Variants in MYLK observed in about 807,000 individuals in gnomAD.
MYLK encodes the protein myosin light chain kinase.
A neutral mutation model predicts 203.4 loss-of-function variants in MYLK; 106 were observed. The ratio of observed to expected loss-of-function variants is 0.52; its 90% CI spans 0.45 to 0.61. The LOEUF (loss-of-function observed/expected upper bound fraction) is 0.61, where lower values mean the gene tolerates loss of function less well. Among genes scored for constraint, MYLK ranks in the 20% least tolerant of loss-of-function variants. The pLI is 0.00. For synonymous variants in MYLK, 867 were observed against 959.5 expected, an observed-to-expected ratio of 0.90 and a Z score of 1.78; for missense variants, 2,072 against 2,442.3, an observed-to-expected ratio of 0.85 and a Z score of 3.20.
intron 19 of MYLK, among the ~76,000 whole-genome samples, chr3:123,688,296 G>A (rs2060535548): frequency 6.6e-6 from 1 of 152,080 alleles, no homozygotes; most frequent in Non-Finnish European, 1.5e-5. Flanking sequence ...AGGTCAAATA[G>A]CAATCTTAAA....
intron 27 of MYLK, among the ~76,000 whole-genome samples, chr3:123,643,618 A>G (rs2058910703): frequency 6.6e-6 from 1 of 152,258 alleles, no homozygotes; most frequent in Non-Finnish European, 1.5e-5. Context: ...TTTGATAGAC[A>G]GAAACTGCCA....
chr3:123,802,189 A>T (rs920787965), intron 3 of MYLK, among the ~76,000 whole-genome samples: 3 of 152,200 alleles, frequency 2.0e-5, no homozygotes, highest in Non-Finnish European at 4.4e-5. Flanking sequence ...TTTGTTTCTC[A>T]GTCTTCCCAG....
At chr3:123,704,927 A>G (rs1027397060) in intron 16 of MYLK, among the ~76,000 whole-genome samples, 10 of 152,150 alleles carry the variant, frequency 6.6e-5, no homozygotes, top group African/African-American at 2.4e-4. Flanking sequence ...CAAAAAATAA[A>G]AAATAAATAA....
At chr3:123,666,393 C>A (rs747695650) in intron 21 of MYLK, 47 bp from the exon 22 acceptor site, 1 of 1,613,566 alleles carries the variant, frequency 6.2e-7, no homozygotes, top group South Asian at 1.1e-5. Context: ...GGGTCTCAGG[C>A]ATTCTGATCA....
At chr3:123,755,872 T>A (rs957750709) in intron 4 of MYLK, among the ~76,000 whole-genome samples, 2 of 152,150 alleles carry the variant, frequency 1.3e-5, no homozygotes, top group African/African-American at 4.8e-5. Context: ...ATGACGGAGA[T>A]GTCTTTGGTT....
chr3:123,734,052 T>C lies in MYLK; in HGVS notation c.944A>G (p.Gln315Arg). Residue 315 changes from glutamine (Q) to arginine (R), a missense_variant, in exon 10 of 34, where the codon CAG (glutamine) becomes CGG (arginine). By Grantham distance (43) the Gln-to-Arg change is conservative (BLOSUM62 1). Transcript: ENST00000360304. ...SPPWAANSQP[Q>R]PPRESKLESC... ...CTCCAGCTTGGACTCCCTTGGGGGC[T>C]GAGGCTGGCTGTTTGCAGCCCAGGG... 1 of 1,613,946 alleles carries C rather than the reference T, an allele frequency of 6.2e-7. No individual in the cohort carries two copies. Among genetic ancestry groups the C allele is most frequent in the Non-Finnish European group, 8.5e-7 (1 of 1,179,864 alleles).
intron 19 of MYLK, among the ~76,000 whole-genome samples, chr3:123,682,816 C>T (rs1045407591): frequency 1.3e-5 from 2 of 152,146 alleles, no homozygotes; most frequent in African/African-American, 2.4e-5. Context: ...ACAAACCAAA[C>T]GGAGGCCTCT....
rs761473153 is a variant in MYLK, at chr3:123,700,810, C to T, written c.2658G>A (p.Ala886=). 9.6e-5 allele frequency: 155 copies of T among 1,614,076 alleles called. 2 individuals carry two copies. Among genetic ancestry groups the T allele is most frequent in the African/African-American group, 1.3e-5 (1 of 74,932 alleles). The change falls in exon 18 of 34, where the codon GCG becomes GCA. Residue 886 remains alanine, a synonymous_variant. Transcript: ENST00000360304. ...GCTGCTCCACCTCCTGCTGGCGGAT[C>T]GCCTCCTCAGTGTGCTGCCTCGTCT... is the stretch of plus-strand genomic sequence containing the variant. The part of the protein sequence containing the change: ...RVETRQHTEE[A]IRQQEVEQLD...
intron 2 of MYLK, among the ~76,000 whole-genome samples, chr3:123,832,000 C>T (rs186488703): frequency 1.6e-3 from 238 of 152,292 alleles, no homozygotes; most frequent in African/African-American, 4.5e-3. Context: ...ATGGGAGCTG[C>T]CTTCCTGCAG....
chr3:123,821,340 A>G (rs2065931502), intron 3 of MYLK, among the ~76,000 whole-genome samples: 1 of 152,214 alleles, frequency 6.6e-6, no homozygotes, highest in South Asian at 2.1e-4. Flanking sequence ...GCAGAGCTGT[A>G]GCATAGTTTT....
At chr3:123,725,411 A>G (rs1042468298) in intron 12 of MYLK, among the ~76,000 whole-genome samples, 6 of 152,258 alleles carry the variant, frequency 3.9e-5, no homozygotes, top group Non-Finnish European at 8.8e-5. Flanking sequence ...TTGACAAAAA[A>G]AAGAGTTGGC....
intron 33 of MYLK, chr3:123,616,754 C>T (rs1315355099): frequency 6.6e-6 from 1 of 152,100 alleles, no homozygotes; most frequent in African/African-American, 2.4e-5. Context: ...TAAAACGTGG[C>T]ACGTCCTTCT....
intron 4 of MYLK, among the ~76,000 whole-genome samples, chr3:123,753,594 G>A (rs1261931370): frequency 6.6e-6 from 1 of 151,978 alleles, no homozygotes; most frequent in Non-Finnish European, 1.5e-5. Context: ...TCAAAAGAGG[G>A]GAAAATGCAG....
chr3:123,739,404 C>A (rs1362607034), intron 6 of MYLK, among the ~76,000 whole-genome samples: 1 of 152,206 alleles, frequency 6.6e-6, no homozygotes, highest in Non-Finnish European at 1.5e-5. Context: ...CTCATAAGAA[C>A]CTCCTGTGAG....
chr3:123,610,191 C>G lies in MYLK; in HGVS notation c.*3914G>C, dbSNP rs2057218541. On this transcript the variant is annotated 3_prime_UTR_variant, in exon 34 of 34. Coordinates refer to ENST00000360304, the MANE Select transcript of MYLK (RefSeq NM_053025.4). The stretch of plus-strand genomic sequence containing the variant: ...TGACTGTCGAGCATTTGAAATGTAA[C>G]TCATACAACTGAGGAACTGAATTTT... 2.0e-5 allele frequency: 3 copies of G among 152,094 alleles called. No homozygotes were observed. Among genetic ancestry groups the G allele is most frequent in the Non-Finnish European group, 4.4e-5 (3 of 68,012 alleles). The allele number at this position is 152,094 out of a possible 1,614,324, so 9.4% of individuals were successfully genotyped here.
intron 11 of MYLK, among the ~76,000 whole-genome samples, chr3:123,728,069 G>A (rs953627283): frequency 2.6e-5 from 4 of 152,106 alleles, no homozygotes; most frequent in African/African-American, 9.7e-5. Context: ...GATAGGATGT[G>A]GAATGGCAAA....
chr3:123,765,789 T>C (rs189909015), intron 4 of MYLK, among the ~76,000 whole-genome samples: 5 of 152,328 alleles, frequency 3.3e-5, no homozygotes, highest in African/African-American at 9.6e-5. Flanking sequence ...CTGGTGAACC[T>C]TGAAGACATT....
At chr3:123,627,019 C>G (rs374491110) in intron 30 of MYLK, 78 bp from the exon 31 acceptor site, 2 of 1,554,490 alleles carry the variant, frequency 1.3e-6, no homozygotes. Context: ...AAATGGGAGG[C>G]CACCTGTCCC....
intron 4 of MYLK, among the ~76,000 whole-genome samples, chr3:123,760,846 T>C (rs967671059): frequency 6.6e-6 from 1 of 152,244 alleles, no homozygotes; most frequent in Admixed American, 6.5e-5. Context: ...TGAAAAGTGA[T>C]CCTTGTTTTT....
Sources: allele counts gnomAD v4.1 joint callset (sites outside exome capture counted in the v4.1 genomes callset), GRCh38; gene constraint gnomAD v4.1.1; transcripts MANE v1.5; gene names NCBI Gene and HGNC (gene_info 2026-07-23, HGNC 2026-07-21).